Variants in ANKRD11 observed in about 807,000 individuals in gnomAD.
ANKRD11 encodes ankyrin repeat domain 11.
A neutral mutation model predicts 195.7 loss-of-function variants in ANKRD11; 17 were observed. The ratio of observed to expected loss-of-function variants is 0.09; its 90% CI spans 0.06 to 0.13. The LOEUF is 0.13. Among genes scored for constraint, ANKRD11 ranks in the 10% least tolerant of loss-of-function variants. The pLI is 1.00. For synonymous variants in ANKRD11, 1,953 were observed against 1,528.1 expected, an observed-to-expected ratio of 1.28 and a Z score of -6.49; for missense variants, 3,735 against 3,566.1, an observed-to-expected ratio of 1.05 and a Z score of -1.21.
intron 4 of ANKRD11, among the ~76,000 whole-genome samples, chr16:89,295,893 C>A (rs1242335271): frequency 2.3e-5 from 2 of 86,856 alleles, no homozygotes; most frequent in African/African-American, 1.0e-4. Context: ...GGGCCTGCAA[C>A]CTTCCTGGGG....
At position 89,280,256 on chromosome 16, in the gene ANKRD11, C is replaced by G; in HGVS notation, c.6286G>C (p.Gly2096Arg). 3 of 1,608,710 alleles carry G rather than the reference C, an allele frequency of 1.9e-6. No homozygotes were observed. Among genetic ancestry groups the G allele is most frequent in the South Asian group, 1.1e-5 (1 of 91,016 alleles). Residue 2096 changes from glycine (G) to arginine (R), a missense_variant, in exon 9 of 13, where the codon GGG becomes CGG. Transcript: ENST00000301030. ...VAAVAQVEAL[G>R]PLENSFLDGS... ...TCCAGGAAGCTATTTTCCAGGGGCC[C>G]CAGAGCCTCCACCTGAGCCACAGCG... is the stretch of plus-strand genomic sequence containing the variant.
At chr16:89,406,938 G>A (rs1597310794) in intron 2 of ANKRD11, among the ~76,000 whole-genome samples, 1 of 152,214 alleles carries the variant, frequency 6.6e-6, no homozygotes, top group African/African-American at 2.4e-5. Flanking sequence ...CAGCACTTTG[G>A]GAGGCCAGGG....
intron 2 of ANKRD11, among the ~76,000 whole-genome samples, chr16:89,331,878 C>T (rs982800763): frequency 2.0e-5 from 3 of 151,678 alleles, no homozygotes; most frequent in Non-Finnish European, 1.5e-5. Context: ...GGTTTGGTTC[C>T]GGGTTAACGG....
chr16:89,341,689 C>G, intron 2 of ANKRD11, among the ~76,000 whole-genome samples: 1 of 152,252 alleles, frequency 6.6e-6, no homozygotes, highest in East Asian at 1.9e-4. Flanking sequence ...TCCCCTCACA[C>G]ACCTATTCAT....
In ANKRD11 at chr16:89,291,199, G is replaced by C. The variant is rs772860737; in HGVS notation, c.227-16C>G. On this transcript the variant is annotated splice_polypyrimidine_tract_variant and intron_variant, in intron 4 of 12. Coordinates refer to ENST00000301030, the MANE Select transcript of ANKRD11 (RefSeq NM_013275.6). This position sits in a 1 kb window ranked among gnomAD's most constrained non-coding sequence, Gnocchi z 5.3. ...CCCTGCTTCTCTGTGAGGCGGGCGAGGGAGAGAGGGAGGAGAGATTTCATG... is the reference window on the plus strand; with the variant it reads ...CCCTGCTTCTCTGTGAGGCGGGCGACGGAGAGAGGGAGGAGAGATTTCATG... 6.2e-7 allele frequency: 1 copy of C among 1,612,250 alleles called. No individual in the cohort carries two copies. The highest frequency in any genetic ancestry group is 8.5e-7 in the Non-Finnish European group (1 of 1,179,898).
At chr16:89,465,502 A>ACCGC (rs1396201465) in intron 1 of ANKRD11, among the ~76,000 whole-genome samples, 1 of 152,112 alleles carries the variant, frequency 6.6e-6, no homozygotes, top group Non-Finnish European at 1.5e-5. Context: ...TCTGTGCCAC[A>ACCGC]CCGCCCGCCC....
At position 89,314,480 on chromosome 16, in the gene ANKRD11, G is replaced by A. The variant is rs192139648; in HGVS notation, c.87+2453C>T. Among the ~76,000 whole-genome samples the A allele has an allele frequency of 3.1e-3, 477 of 152,136 alleles. 2 individuals carry two copies. Among genetic ancestry groups the A allele is most frequent in the South Asian group, 0.021 (103 of 4,798 alleles). ...CGCACACATCAGCGCTGGGGCTGCC[G>A]GCAAATCAGGACACCCTGCCTCCTG... On this transcript the variant is annotated intron_variant, in intron 3 of 12. Transcript: ENST00000301030.
At chr16:89,414,314 A>G (rs577055447) in intron 2 of ANKRD11, among the ~76,000 whole-genome samples, 1 of 152,258 alleles carries the variant, frequency 6.6e-6, no homozygotes, top group East Asian at 1.9e-4. Context: ...TGAAAGTCCC[A>G]TTTCACAGCA....
At chr16:89,322,727 T>G (rs868867562) in intron 2 of ANKRD11, among the ~76,000 whole-genome samples, 1 of 152,108 alleles carries the variant, frequency 6.6e-6, no homozygotes, top group Non-Finnish European at 1.5e-5. Context: ...CAGTCCTGTG[T>G]GGCACCAGGG....
rs189443366 is a variant in ANKRD11 at position 89,374,686 on chromosome 16, G to C, written c.-60+43598C>G. 1.7e-3 allele frequency among the ~76,000 whole-genome samples: 264 copies of C among 152,294 alleles called. 11 individuals carry two copies. The highest frequency in any genetic ancestry group is 0.017 in the Admixed American group (259 of 15,294). ...GAAAAGCTCCTCCAGAGAGCATCGG[G>C]AAAAGCACTTCAACTCTGCTCAGGT... On this transcript the variant is annotated intron_variant, in intron 2 of 12. Transcript: ENST00000301030.
chr16:89,325,449 CCTCT>C (rs10641419), intron 2 of ANKRD11, among the ~76,000 whole-genome samples: 17 of 139,532 alleles, frequency 1.2e-4, no homozygotes, highest in African/African-American at 4.1e-4. Flanking sequence ...TCTCCCCTCT[CCTCT>C]CTCTCTCTCT....
chr16:89,383,783 C>T (rs548412340), intron 2 of ANKRD11, among the ~76,000 whole-genome samples: 4 of 152,310 alleles, frequency 2.6e-5, no homozygotes, highest in African/African-American at 9.6e-5. Flanking sequence ...AGGCCCAATG[C>T]CAAGAGCCCA....
At position 89,280,655 on chromosome 16, in the gene ANKRD11, T is replaced by C. The variant is rs777776688; in HGVS notation, c.5887A>G (p.Ile1963Val). 1.2e-6 allele frequency: 2 copies of C among 1,613,382 alleles called. No individual in the cohort carries two copies. The highest frequency in any genetic ancestry group is 2.2e-5 in the South Asian group (2 of 91,076). ...PSEQALASSL[I>V]GGTSENPVSW... ...ACAGGGTTTTCAGAGGTGCCCCCGA[T>C]CAGGCTAGAGGCAAGCGCCTGCTCG... The change falls in exon 9 of 13, where the codon ATC becomes GTC. Residue 1963 changes from isoleucine (I) to valine (V), a missense_variant. Transcript: ENST00000301030.
At chr16:89,301,494 G>A (rs72803317) in intron 4 of ANKRD11, 15,495 of 398,714 alleles carry the variant, frequency 0.039, 462 homozygotes, top group East Asian at 0.062. Context: ...AGATGGGCTA[G>A]AAGTCCCAGG....
chr16:89,349,132 AG>A (rs1256848321), intron 2 of ANKRD11, among the ~76,000 whole-genome samples: 1 of 113,690 alleles, frequency 8.8e-6, no homozygotes, highest in Non-Finnish European at 1.8e-5. Context: ...TGTCTCAAAA[AG>A]TAAAAAAAAA....
rs765151001 is a variant in ANKRD11 at position 89,282,541 on chromosome 16, G to A, written c.4001C>T (p.Pro1334Leu). The A allele has an allele frequency of 2.5e-5, 41 of 1,613,858 alleles. No homozygotes were observed. The highest frequency in any genetic ancestry group is 2.9e-5 in the Non-Finnish European group (34 of 1,179,982). The change falls in exon 9 of 13, where the codon CCG (proline) becomes CTG (leucine). Residue 1334 changes from proline (P) to leucine (L), a missense_variant. By Grantham distance (98) the Pro-to-Leu change is moderately conservative. Coordinates refer to ENST00000301030, the MANE Select transcript of ANKRD11 (RefSeq NM_013275.6). Reference protein sequence around the residue: ...SFTEPPGDDKPRESACLPEKL... With the variant: ...SFTEPPGDDKLRESACLPEKL... ...CTCAGGGAGGCAGGCGCTCTCCCTC[G>A]GCTTGTCGTCTCCAGGTGGCTCCGT...
chr16:89,452,904 C>T (rs1228183797), intron 1 of ANKRD11, among the ~76,000 whole-genome samples: 2 of 152,094 alleles, frequency 1.3e-5, no homozygotes, highest in Admixed American at 6.6e-5. Context: ...TGCACACGCC[C>T]GCTTTTTCAT....
At chr16:89,319,186 A>C (rs1018695017) in intron 2 of ANKRD11, among the ~76,000 whole-genome samples, 5 of 152,258 alleles carry the variant, frequency 3.3e-5, no homozygotes, top group African/African-American at 1.2e-4. Flanking sequence ...GCCCACGGAC[A>C]CACTCAACAG....
At chr16:89,489,233 GCGC>G (rs1567875796) in intron 1 of ANKRD11, 3 of 150,482 alleles carry the variant, frequency 2.0e-5, no homozygotes, top group Admixed American at 6.6e-5. Flanking sequence ...ACACGCGCGC[GCGC>G]GCGCGCGCGC....
Sources: allele counts gnomAD v4.1 joint callset (sites outside exome capture counted in the v4.1 genomes callset), GRCh38; gene constraint gnomAD v4.1.1; non-coding constraint Gnocchi (gnomAD v3.1); transcripts MANE v1.5; gene names NCBI Gene and HGNC (gene_info 2026-07-23, HGNC 2026-07-21).